Variants in COL15A1 observed in about 807,000 individuals in gnomAD.
The protein encoded by COL15A1 is collagen type XV alpha 1 chain, also known as collagen alpha-1(XV) chain.
COL15A1 carries 111 observed loss-of-function variants against 165.9 expected under a neutral mutation model. The ratio of observed to expected loss-of-function variants is 0.67; its 90% CI spans 0.57 to 0.78. COL15A1 has a LOEUF of 0.78. COL15A1 is among the 30% of genes least tolerant of loss of function. The pLI, the probability that COL15A1 is intolerant of heterozygous loss-of-function variation, is 0.00. For missense variants in COL15A1, 1,745 were observed against 1,789.7 expected, an observed-to-expected ratio of 0.98 and a Z score of 0.45; for synonymous variants, 659 against 674.8, an observed-to-expected ratio of 0.98 and a Z score of 0.36.
At chr9:99,008,534 A>C (rs1838799154) in intron 9 of COL15A1, among the ~76,000 whole-genome samples, 3 of 152,242 alleles carry the variant, frequency 2.0e-5, no homozygotes, top group Admixed American at 6.5e-5. Context: ...TAAGTTAAGA[A>C]TACTCACAAC....
Position 99,036,315 on chromosome 9 carries a change from A to G in COL15A1, c.2328A>G (p.Gly776=). The G allele has an allele frequency of 1.2e-6, 2 of 1,613,986 alleles. No homozygotes were observed. The highest frequency in any genetic ancestry group is 4.5e-5 in the East Asian group (2 of 44,866). The stretch of plus-strand genomic sequence containing the variant: ...TCACTTCTTGCTGCTTTGACCAGGG[A>G]GAAAGGGGGATGGATGGAGCCAGTA... The part of the protein sequence containing the change: ...KGEKGDRGPK[G]ERGMDGASIV... The change falls in exon 21 of 42, where the codon GGA becomes GGG. Residue 776 remains glycine (G), a splice_region_variant and synonymous_variant. Coordinates refer to ENST00000375001, the MANE Select transcript of COL15A1 (RefSeq NM_001855.5).
At chr9:98,950,205 G>A (rs1402248630) in intron 2 of COL15A1, among the ~76,000 whole-genome samples, 4 of 152,100 alleles carry the variant, frequency 2.6e-5, no homozygotes, top group Non-Finnish European at 5.9e-5. Context: ...TTGCACCTAG[G>A]AGCAGAATTT....
At position 99,020,444 on chromosome 9, in the gene COL15A1, T is replaced by A. The variant is rs573332551; in HGVS notation, c.1701+2T>A. On this transcript the variant is annotated splice_donor_variant, in intron 12 of 41. Coordinates refer to ENST00000375001, the MANE Select transcript of COL15A1 (RefSeq NM_001855.5). LOFTEE classifies it high-confidence loss of function. ...CAGGCTGGGCCCAAAGGAGAAAAGG[T>A]TTGTGCTGTGACCATCCTGGGGAAC... is the stretch of plus-strand genomic sequence containing the variant. 101 of 1,608,290 alleles carry A rather than the reference T, an allele frequency of 6.3e-5. No homozygotes were observed. In the Middle Eastern group the frequency reaches 8.2e-4, roughly 13 times the overall value.
intron 24 of COL15A1, among the ~76,000 whole-genome samples, chr9:99,043,982 G>A (rs1839453204): frequency 6.6e-6 from 1 of 152,214 alleles, no homozygotes; most frequent in African/African-American, 2.4e-5. Context: ...TTGCACAGGA[G>A]CTTAGAGTTT....
At chr9:98,964,115 G>T (rs1417996007) in intron 2 of COL15A1, among the ~76,000 whole-genome samples, 1 of 152,216 alleles carries the variant, frequency 6.6e-6, no homozygotes, top group Non-Finnish European at 1.5e-5. Context: ...TTACATACAA[G>T]TTTCTCTGGC....
chr9:98,975,531 C>T (rs143245980), intron 2 of COL15A1, among the ~76,000 whole-genome samples: 372 of 152,306 alleles, frequency 2.4e-3, no homozygotes, highest in African/African-American at 7.7e-3. Context: ...AAAACCTGAA[C>T]CCTGCTCTGT....
chr9:99,002,018 A>T (rs1838664210), intron 7 of COL15A1, among the ~76,000 whole-genome samples: 2 of 152,038 alleles, frequency 1.3e-5, no homozygotes, highest in African/African-American at 4.8e-5. Context: ...GAGAGATTTT[A>T]TCTTGTCTAT....
At chr9:98,971,967 G>A (rs983319169) in intron 2 of COL15A1, among the ~76,000 whole-genome samples, 7 of 152,286 alleles carry the variant, frequency 4.6e-5, no homozygotes, top group South Asian at 2.1e-4. Flanking sequence ...GAGGCTGAAC[G>A]GAGGTGCTGT....
intron 2 of COL15A1, among the ~76,000 whole-genome samples, chr9:98,949,355 T>C (rs1455876095): frequency 2.0e-5 from 3 of 152,222 alleles, no homozygotes; most frequent in African/African-American, 7.2e-5. Context: ...TTCTTGTACA[T>C]TTCTCTCAGT....
Position 99,069,914 on chromosome 9 carries a change from T to C in COL15A1, c.*28T>C, listed in dbSNP as rs1400981067. The C allele has an allele frequency of 2.4e-5, 37 of 1,551,032 alleles. No individual in the cohort carries two copies. The highest frequency in any genetic ancestry group is 2.9e-5 in the Non-Finnish European group (33 of 1,133,856). ...GCCTTCTGATGATTCTTAAAGAGTT[T>C]TCAATTTTTTCTTATGTGAAGAGTT... On this transcript the variant is annotated 3_prime_UTR_variant, in exon 42 of 42. Coordinates refer to ENST00000375001, the MANE Select transcript of COL15A1 (RefSeq NM_001855.5).
chr9:98,954,034 G>C (rs1238835347), intron 2 of COL15A1, among the ~76,000 whole-genome samples: 7 of 152,180 alleles, frequency 4.6e-5, no homozygotes, highest in African/African-American at 9.7e-5. Flanking sequence ...GCCCATCCTG[G>C]AGGGACTCAT....
intron 11 of COL15A1, among the ~76,000 whole-genome samples, chr9:99,017,774 C>T (rs1298465661): frequency 1.3e-5 from 2 of 152,170 alleles, no homozygotes; most frequent in South Asian, 2.1e-4. Context: ...CCTAGTGATG[C>T]CACATCGGGC....
chr9:99,029,199 TC>T (rs1839176372), intron 16 of COL15A1, among the ~76,000 whole-genome samples: 1 of 152,244 alleles, frequency 6.6e-6, no homozygotes, highest in Admixed American at 6.5e-5. Flanking sequence ...TTCATGTTAT[TC>T]TGCAGTCTCA....
At chr9:98,961,236 C>T (rs1433444851) in intron 2 of COL15A1, among the ~76,000 whole-genome samples, 2 of 152,184 alleles carry the variant, frequency 1.3e-5, no homozygotes, top group African/African-American at 2.4e-5. Context: ...GCAAGATAGG[C>T]TTGCTGCTTG....
Position 99,038,699 on chromosome 9 carries a change from A to G in COL15A1, c.2441A>G (p.Asn814Ser). The change falls in exon 22 of 42, where the codon AAT (asparagine) becomes AGT (serine). Residue 814 changes from asparagine (N) to serine (S), a missense_variant. By Grantham distance (46) the Asn-to-Ser change is conservative. Transcript: ENST00000375001. ...SLINITHGFM[N>S]FSDIPELVGP... is the part of the protein sequence containing the mutation. Reference sequence around the variant, plus strand: ...ATCAATATCACCCATGGATTCATGAATTTCTCGGACATTCCTGAGCTGGTG... The same window carrying G: ...ATCAATATCACCCATGGATTCATGAGTTTCTCGGACATTCCTGAGCTGGTG... 6.2e-7 allele frequency: 1 copy of G among 1,611,316 alleles called. No homozygotes were observed. The highest frequency in any genetic ancestry group is 8.5e-7 in the Non-Finnish European group (1 of 1,177,462).
rs373530299 is a variant in COL15A1, at chr9:98,985,880, C to T, written c.416C>T (p.Thr139Met). Reference protein sequence around the residue: ...DGHQRIILYYTEPGSHVSQEA... With the variant: ...DGHQRIILYYMEPGSHVSQEA... ...CACCAGCGGATCATCCTCTACTACACGGAGCCAGGCTCCCATGTGTCCCAA... is the reference window on the plus strand; with the variant it reads ...CACCAGCGGATCATCCTCTACTACATGGAGCCAGGCTCCCATGTGTCCCAA... The change falls in exon 3 of 42, where the codon ACG (threonine) becomes ATG (methionine). Residue 139 changes from threonine to methionine, a missense_variant. Transcript: ENST00000375001. 1.4e-5 allele frequency: 22 copies of T among 1,613,738 alleles called. No homozygotes were observed. Among genetic ancestry groups the T allele is most frequent in the East Asian group, 1.1e-4 (5 of 44,890 alleles).
At chr9:99,019,242 A>G (rs1412475795) in intron 11 of COL15A1, among the ~76,000 whole-genome samples, 1 of 152,148 alleles carries the variant, frequency 6.6e-6, no homozygotes, top group Non-Finnish European at 1.5e-5. Context: ...TGCCCAGACT[A>G]GAGTGCAGTG....
intron 14 of COL15A1, among the ~76,000 whole-genome samples, chr9:99,024,363 C>T (rs1245748176): frequency 1.3e-5 from 2 of 149,636 alleles, no homozygotes; most frequent in Non-Finnish European, 3.0e-5. Context: ...TCACTGCAAG[C>T]TCCACCTCCC....
chr9:99,024,907 C>T lies in COL15A1; in HGVS notation c.1888C>T (p.Pro630Ser), dbSNP rs1839094416. The T allele has an allele frequency of 1.2e-6, 2 of 1,614,034 alleles. No individual in the cohort carries two copies. Among genetic ancestry groups the T allele is most frequent in the South Asian group, 2.2e-5 (2 of 91,072 alleles). ...PPGPPGPPGL[P>S]GIPGKPGTDV... is the part of the protein sequence containing the mutation. ...AGGACCCCCAGGGCCACCTGGCTTACCTGGGATTCCAGGAAAACCAGGAAC... is the reference window on the plus strand; with the variant it reads ...AGGACCCCCAGGGCCACCTGGCTTATCTGGGATTCCAGGAAAACCAGGAAC... The change falls in exon 15 of 42, where the codon CCT (proline) becomes TCT (serine). Residue 630 changes from proline to serine, a missense_variant. Pro to Ser is a moderately conservative substitution (Grantham distance 74, BLOSUM62 -1). Transcript: ENST00000375001.
Sources: allele counts gnomAD v4.1 joint callset (sites outside exome capture counted in the v4.1 genomes callset), GRCh38; gene constraint gnomAD v4.1.1; transcripts MANE v1.5; gene names NCBI Gene and HGNC (gene_info 2026-07-23, HGNC 2026-07-21).